NLGN4X: variants seen among roughly 807,000 people sequenced by gnomAD.
NLGN4X encodes neuroligin-4, X-linked.
NLGN4X carries 3 observed loss-of-function variants against 40.3 expected under a neutral mutation model. That is an observed-to-expected ratio of 0.07 (90% CI 0.03 to 0.19). The LOEUF (loss-of-function observed/expected upper bound fraction) is 0.19. Among genes scored for constraint, NLGN4X ranks in the 10% least tolerant of loss-of-function variants. The pLI is 1.00. For synonymous variants in NLGN4X, 270 were observed against 306.8 expected (o/e 0.88, Z 1.25); for missense variants, 382 against 708.3 (o/e 0.54, Z 5.23).
At chrX:6,031,410 T>C (rs975487151) in intron 2 of NLGN4X, among the ~76,000 whole-genome samples, 1 of 111,441 alleles carries the variant, frequency 9.0e-6, no homozygotes, top group Non-Finnish European at 1.9e-5. Context: ...CTTGAGACAG[T>C]GACAGCTCTA....
chrX:6,133,465 T>C (rs184289843), intron 2 of NLGN4X, among the ~76,000 whole-genome samples: 13 of 112,436 alleles, frequency 1.2e-4, no homozygotes, highest in African/African-American at 3.9e-4. Flanking sequence ...ATAAGCCATA[T>C]GGACCATGGT....
At chrX:6,003,245 T>G (rs1260856201) in intron 3 of NLGN4X, among the ~76,000 whole-genome samples, 1 of 112,051 alleles carries the variant, frequency 8.9e-6, no homozygotes, top group Non-Finnish European at 1.9e-5. Flanking sequence ...TAGCTTGAAG[T>G]AAGCTTACAG....
chrX:6,097,507 C>T (rs1163854076), intron 2 of NLGN4X, among the ~76,000 whole-genome samples: 1 of 111,525 alleles, frequency 9.0e-6, no homozygotes, highest in African/African-American at 3.3e-5. Context: ...CTAAACTCCA[C>T]CTAGTTAGTC....
At chrX:6,049,075 T>C (rs906436919) in intron 2 of NLGN4X, among the ~76,000 whole-genome samples, 2 of 102,638 alleles carry the variant, frequency 1.9e-5, no homozygotes, top group African/African-American at 7.1e-5. Context: ...CATATAGATA[T>C]TTGTAAAATA....
intron 2 of NLGN4X, among the ~76,000 whole-genome samples, chrX:6,072,031 CT>C (rs899278339): frequency 1.8e-5 from 2 of 110,076 alleles, no homozygotes; most frequent in East Asian, 2.9e-4. Flanking sequence ...TTTTATTTTC[CT>C]TTTTTTTCCC....
At chrX:5,936,507 G>A (rs1378384537) in intron 3 of NLGN4X, among the ~76,000 whole-genome samples, 1 of 111,929 alleles carries the variant, frequency 8.9e-6, no homozygotes, top group Non-Finnish European at 1.9e-5. Context: ...CTCAGTTGCT[G>A]TGCCTGGAGA....
At chrX:6,087,953 A>AT (rs888687001) in intron 2 of NLGN4X, among the ~76,000 whole-genome samples, 2 of 110,676 alleles carry the variant, frequency 1.8e-5, no homozygotes, top group African/African-American at 3.3e-5. Context: ...ATTTTTCTCT[A>AT]TTTTTTTGAT....
intron 2 of NLGN4X, among the ~76,000 whole-genome samples, chrX:6,057,571 C>T (rs1439968177): frequency 8.9e-6 from 1 of 111,976 alleles, no homozygotes; most frequent in Non-Finnish European, 1.9e-5. Context: ...GATTAAATCA[C>T]AAAATGCCTT....
chrX:6,133,467 G>T (rs1324779015), intron 2 of NLGN4X, among the ~76,000 whole-genome samples: 2 of 111,980 alleles, frequency 1.8e-5, no homozygotes, highest in African/African-American at 6.5e-5. Context: ...AAGCCATATG[G>T]ACCATGGTTT....
At chrX:6,202,918 C>T (rs1923752947) in intron 1 of NLGN4X, among the ~76,000 whole-genome samples, 1 of 111,917 alleles carries the variant, frequency 8.9e-6, no homozygotes, top group South Asian at 3.8e-4. Flanking sequence ...TGGCCTCTAT[C>T]CAATAGTTTG....
intron 1 of NLGN4X, among the ~76,000 whole-genome samples, chrX:6,214,995 CCAA>C (rs1310018232): frequency 3.6e-5 from 4 of 112,192 alleles, no homozygotes; most frequent in African/African-American, 1.3e-4. Context: ...TGAGTTCCCA[CCAA>C]CAAGTTCAGC....
intron 1 of NLGN4X, among the ~76,000 whole-genome samples, chrX:6,217,603 T>C (rs1057115524): frequency 8.9e-6 from 1 of 111,783 alleles, no homozygotes; most frequent in African/African-American, 3.3e-5. Flanking sequence ...TGAACCTAGA[T>C]TGTCAGAAGA....
intron 2 of NLGN4X, among the ~76,000 whole-genome samples, chrX:6,059,734 G>C (rs1602151631): frequency 9.0e-6 from 1 of 111,525 alleles, no homozygotes; most frequent in African/African-American, 3.3e-5. Context: ...ACCCCAAAAT[G>C]AGGACAACTT....
rs1202405121 is a variant in NLGN4X, at chrX:6,083,507, G to GT, written c.473-54076dup. Among the ~76,000 whole-genome samples the GT allele has an allele frequency of 2.7e-5, 3 of 112,169 alleles. No homozygotes were observed. The Admixed American group carries it at 2.8e-4, about 11-fold the overall frequency. Reference sequence around the variant, plus strand: ...ACTTAGCCACTGAAAGCCATCAGATGTGAGAATCAGGAAGATGACTCCAAT... The same window carrying GT: ...ACTTAGCCACTGAAAGCCATCAGATGTTGAGAATCAGGAAGATGACTCCAAT... On this transcript the variant is annotated intron_variant, in intron 2 of 5. Transcript: ENST00000381095.
intron 2 of NLGN4X, among the ~76,000 whole-genome samples, chrX:6,068,853 T>A (rs1487306209): frequency 9.0e-6 from 1 of 111,601 alleles, no homozygotes; most frequent in Non-Finnish European, 1.9e-5. Flanking sequence ...AAGAAGAAAA[T>A]CAAATTACAT....
intron 1 of NLGN4X, among the ~76,000 whole-genome samples, chrX:6,162,157 G>C (rs144908483): frequency 1.8e-5 from 2 of 112,113 alleles, no homozygotes; most frequent in African/African-American, 6.5e-5. Context: ...ACTCATGTGT[G>C]TATTATGTAT....
intron 4 of NLGN4X, among the ~76,000 whole-genome samples, chrX:5,904,182 C>T (rs181728359): frequency 1.8e-5 from 2 of 111,343 alleles, no homozygotes; most frequent in Admixed American, 1.9e-4. Context: ...AATTTAGTGT[C>T]GTTTTTGCTT....
At chrX:5,925,873 C>CACAT (rs2033264504) in intron 3 of NLGN4X, among the ~76,000 whole-genome samples, 2 of 9,583 alleles carry the variant, frequency 2.1e-4, no homozygotes, top group Non-Finnish European at 3.1e-4. Flanking sequence ...TATATATATA[C>CACAT]ATACACACAT....
chrX:5,919,756 C>T (rs1185869801), intron 3 of NLGN4X, among the ~76,000 whole-genome samples: 1 of 111,571 alleles, frequency 9.0e-6, no homozygotes, highest in Non-Finnish European at 1.9e-5. Context: ...ATACTGAAAC[C>T]GTTCCCCTAC....
Sources: gnomAD v4.1 joint callset for allele counts (sites outside exome capture counted in the v4.1 genomes callset) on GRCh38, gnomAD v4.1.1 for gene constraint, MANE v1.5 for transcripts, NCBI Gene and HGNC (gene_info 2026-07-23, HGNC 2026-07-21) for gene names.